The following MCC variants were observed in gnomAD, a reference collection of about 807,000 sequenced individuals.
MCC encodes the protein colorectal mutant cancer protein.
A neutral mutation model predicts 116.2 loss-of-function variants in MCC; 90 were observed. The ratio of observed to expected loss-of-function variants is 0.77; its 90% CI spans 0.65 to 0.92. The LOEUF is 0.92. Among genes scored for constraint, MCC ranks in the 40% least tolerant of loss-of-function variants. The probability of loss-of-function intolerance (pLI) is 0.00; values close to 1 mark genes in which losing one functional copy is unlikely to be tolerated. For synonymous variants in MCC, 578 were observed against 510.5 expected (o/e 1.13, Z -1.78); for missense variants, 1,516 against 1,312.2 (o/e 1.16, Z -2.40).
intron 2 of MCC, among the ~76,000 whole-genome samples, chr5:113,383,807 T>C (rs925037785): frequency 1.1e-4 from 17 of 152,170 alleles, no homozygotes; most frequent in African/African-American, 3.6e-4. Context: ...ATGGAGTGTA[T>C]GTGGACATTT....
chr5:113,112,292 C>A (rs756763273), intron 6 of MCC, among the ~76,000 whole-genome samples: 1 of 152,162 alleles, frequency 6.6e-6, no homozygotes, highest in Non-Finnish European at 1.5e-5. Flanking sequence ...GAATTGTAAT[C>A]GCCAATGTTG....
chr5:113,302,344 G>A lies in MCC; in HGVS notation c.627+38175C>T, dbSNP rs184618275. Among the ~76,000 whole-genome samples, 176 of 152,212 alleles carry A rather than the reference G, an allele frequency of 1.2e-3. 2 individuals carry two copies. Among genetic ancestry groups the A allele is most frequent in the African/African-American group, 4.1e-3 (170 of 41,538 alleles). ...AAGGGAAAAAGGGAAGTAAGCAAATGAGAAACCACCAAAAGAAAAACTCTG... is the reference window on the plus strand; with the variant it reads ...AAGGGAAAAAGGGAAGTAAGCAAATAAGAAACCACCAAAAGAAAAACTCTG... On this transcript the variant is annotated intron_variant, in intron 3 of 18. Coordinates refer to ENST00000408903, the MANE Select transcript of MCC (RefSeq NM_001085377.2).
At chr5:113,352,457 T>A (rs1362877934) in intron 2 of MCC, among the ~76,000 whole-genome samples, 3 of 151,940 alleles carry the variant, frequency 2.0e-5, no homozygotes, top group Non-Finnish European at 4.4e-5. Flanking sequence ...TCTCCTGTCT[T>A]CCCATCCTTT....
At chr5:113,439,000 C>T (rs553696970) in intron 1 of MCC, among the ~76,000 whole-genome samples, 2 of 152,244 alleles carry the variant, frequency 1.3e-5, no homozygotes, top group East Asian at 3.9e-4. Context: ...ACCCAGGATA[C>T]GGTGTTGAGG....
chr5:113,294,611 T>TGGCGC (rs1766649920), intron 3 of MCC: 2 of 1,168,230 alleles, frequency 1.7e-6, no homozygotes, highest in Non-Finnish European at 2.1e-6. Context: ...GGAGGCTCGG[T>TGGCGC]GGCGCGGCGC....
At chr5:113,444,598 G>A (rs2150417126) in intron 1 of MCC, among the ~76,000 whole-genome samples, 1 of 152,106 alleles carries the variant, frequency 6.6e-6, no homozygotes, top group Non-Finnish European at 1.5e-5. Context: ...CCACCTACGT[G>A]GTATTTGGCC....
At chr5:113,152,960 G>C (rs1759967360) in intron 3 of MCC, among the ~76,000 whole-genome samples, 1 of 152,156 alleles carries the variant, frequency 6.6e-6, no homozygotes, top group Non-Finnish European at 1.5e-5. Flanking sequence ...CGACTTCTCA[G>C]TACAAATACC....
At position 113,143,275 on chromosome 5, in the gene MCC, T is replaced by C; in HGVS notation, c.827A>G (p.His276Arg). Residue 276 changes from histidine to arginine, a missense_variant, in exon 5 of 19, where the codon CAC becomes CGC. His to Arg is a conservative substitution (Grantham distance 29). Coordinates refer to ENST00000408903, the MANE Select transcript of MCC (RefSeq NM_001085377.2). Reference protein sequence around the residue: ...LRYEERITELHSVIAELNKKI... With the variant: ...LRYEERITELRSVIAELNKKI... Reference sequence around the variant, plus strand: ...CTTGTTGAGCTCCGCAATGACGCTGTGGAGCTCTGTGATGCGTTCCTCATA... The same window carrying C: ...CTTGTTGAGCTCCGCAATGACGCTGCGGAGCTCTGTGATGCGTTCCTCATA... 6.2e-7 allele frequency: 1 copy of C among 1,613,572 alleles called. No individual in the cohort carries two copies. The highest frequency in any genetic ancestry group is 8.5e-7 in the Non-Finnish European group (1 of 1,179,776).
intron 3 of MCC, among the ~76,000 whole-genome samples, chr5:113,184,149 C>T (rs1761769141): frequency 6.6e-6 from 1 of 152,174 alleles, no homozygotes; most frequent in Admixed American, 6.5e-5. Flanking sequence ...TGTTTTCCCA[C>T]TTATTAGCAC....
intron 17 of MCC, among the ~76,000 whole-genome samples, chr5:113,030,688 A>G (rs1030372924): frequency 1.3e-5 from 2 of 152,298 alleles, no homozygotes; most frequent in Middle Eastern, 6.8e-3. Context: ...AACAAACAAA[A>G]AAATCAGATG....
chr5:113,145,741 CACACACACACACACACACA>C (rs1344192881), intron 4 of MCC, among the ~76,000 whole-genome samples: 4 of 11,888 alleles, frequency 3.4e-4, no homozygotes, highest in Admixed American at 9.0e-4. Context: ...CTTGCTTACA[CACACACACACACACACACA>C]CACACACACA....
At chr5:113,072,356 G>C (rs1205838047) in intron 11 of MCC, among the ~76,000 whole-genome samples, 1 of 152,130 alleles carries the variant, frequency 6.6e-6, no homozygotes, top group Non-Finnish European at 1.5e-5. Context: ...TCAAGGTAAG[G>C]TGCCACAAGA....
At chr5:113,047,754 T>C (rs902004630) in intron 16 of MCC, among the ~76,000 whole-genome samples, 7 of 151,920 alleles carry the variant, frequency 4.6e-5, no homozygotes, top group Admixed American at 3.3e-4. Flanking sequence ...TATAATTCTT[T>C]AGAGTCCACA....
chr5:113,430,024 T>C (rs1770585558), intron 1 of MCC, among the ~76,000 whole-genome samples: 1 of 152,168 alleles, frequency 6.6e-6, no homozygotes, highest in Non-Finnish European at 1.5e-5. Context: ...AGTTCACAGA[T>C]GGAAGAAACC....
At chr5:113,351,513 A>G (rs1191473748) in intron 2 of MCC, among the ~76,000 whole-genome samples, 1 of 152,146 alleles carries the variant, frequency 6.6e-6, no homozygotes, top group Non-Finnish European at 1.5e-5. Flanking sequence ...TCATGGAGAT[A>G]GAGGATAAGG....
intron 4 of MCC, among the ~76,000 whole-genome samples, chr5:113,145,767 C>A (rs868436897): frequency 6.9e-5 from 5 of 72,404 alleles, no homozygotes; most frequent in Non-Finnish European, 8.8e-5. Flanking sequence ...CACACACACA[C>A]ACACACACAC....
At chr5:113,383,645 TC>T (rs762936387) in intron 2 of MCC, among the ~76,000 whole-genome samples, 47 of 152,106 alleles carry the variant, frequency 3.1e-4, no homozygotes, top group African/African-American at 1.1e-3. Context: ...TGCCTTTTTT[TC>T]CCCGTGTTTT....
intron 6 of MCC, among the ~76,000 whole-genome samples, chr5:113,110,975 A>G (rs9885385): frequency 0.48 from 72,297 of 151,984 alleles, 17,630 homozygotes; most frequent in African/African-American, 0.56. Context: ...CCCAACCCAC[A>G]GTGCTCCTCT....
chr5:113,098,715 A>G (rs1235723537), intron 8 of MCC, among the ~76,000 whole-genome samples: 9 of 152,230 alleles, frequency 5.9e-5, no homozygotes, highest in Admixed American at 5.9e-4. Context: ...ACCTACAGAG[A>G]GCACTTTGCT....
Sources: gnomAD v4.1 joint callset for allele counts (sites outside exome capture counted in the v4.1 genomes callset) on GRCh38, gnomAD v4.1.1 for gene constraint, MANE v1.5 for transcripts, NCBI Gene and HGNC (gene_info 2026-07-23, HGNC 2026-07-21) for gene names.